Variants in RBPJ observed in about 807,000 individuals in gnomAD.
The protein encoded by RBPJ is recombining binding protein suppressor of hairless.
Under a neutral mutation model 67.8 loss-of-function variants are expected in RBPJ, and 9 were observed. The ratio of observed to expected loss-of-function variants is 0.13; its 90% CI spans 0.08 to 0.23. The LOEUF is 0.23. Among genes scored for constraint, RBPJ ranks in the 10% least tolerant of loss-of-function variants. The pLI, the probability that RBPJ is intolerant of heterozygous loss-of-function variation, is 1.00. For missense variants in RBPJ, 305 were observed against 595.6 expected, an observed-to-expected ratio of 0.51 and a Z score of 5.08; for synonymous variants, 198 against 203.3, an observed-to-expected ratio of 0.97 and a Z score of 0.22.
chr4:26,210,667 T>TTTCC (rs1718356285), intron 1 of RBPJ, among the ~76,000 whole-genome samples: 1 of 22,302 alleles, frequency 4.5e-5, no homozygotes, highest in African/African-American at 2.2e-4. Context: ...TTCTTTTTTC[T>TTTCC]TTCTTTCTTT....
chr4:26,127,784 T>C, the RBPJ span, among the ~76,000 whole-genome samples: 1 of 152,182 alleles, frequency 6.6e-6, no homozygotes, highest in Admixed American at 6.5e-5. Context: ...GAAACATATG[T>C]ACACAGAGAC....
intron 1 of RBPJ, among the ~76,000 whole-genome samples, chr4:26,340,338 A>G (rs1725376492): frequency 1.3e-5 from 2 of 152,226 alleles, no homozygotes; most frequent in African/African-American, 4.8e-5. Context: ...GGAGCAGAGT[A>G]GTAAGAGGAA....
chr4:26,372,880 G>A (rs937251003), intron 1 of RBPJ, among the ~76,000 whole-genome samples: 3 of 152,098 alleles, frequency 2.0e-5, no homozygotes, highest in African/African-American at 7.2e-5. Context: ...GAGCCTCATG[G>A]CCTCCTGTGA....
chr4:26,360,995 A>G (rs1180235125), intron 1 of RBPJ, among the ~76,000 whole-genome samples: 1 of 150,792 alleles, frequency 6.6e-6, no homozygotes, highest in Non-Finnish European at 1.5e-5. Context: ...TGAAGGATAC[A>G]TTTGTCTGGA....
chr4:26,225,514 C>G (rs116900651), intron 1 of RBPJ, among the ~76,000 whole-genome samples: 75 of 152,178 alleles, frequency 4.9e-4, no homozygotes, highest in East Asian at 4.2e-3. Flanking sequence ...CTGTATGATA[C>G]AGTAATGGTG....
intron 1 of RBPJ, among the ~76,000 whole-genome samples, chr4:26,379,302 C>T (rs1254384553): frequency 6.6e-6 from 1 of 152,090 alleles, no homozygotes; most frequent in Non-Finnish European, 1.5e-5. Flanking sequence ...GCCTCTCAAG[C>T]AGTCCTCCTG....
intron 1 of RBPJ, among the ~76,000 whole-genome samples, chr4:26,371,603 T>C (rs1451995523): frequency 6.6e-6 from 1 of 152,230 alleles, no homozygotes; most frequent in Non-Finnish European, 1.5e-5. Flanking sequence ...TATAATTCTT[T>C]AGGAGTCTGA....
the RBPJ span, among the ~76,000 whole-genome samples, chr4:26,156,395 G>T: frequency 6.8e-6 from 1 of 147,422 alleles, no homozygotes; most frequent in African/African-American, 2.5e-5. Context: ...AACTATATAG[G>T]TTGGAATTTC....
At chr4:26,403,490 C>G (rs561409820) in intron 2 of RBPJ, among the ~76,000 whole-genome samples, 1 of 152,012 alleles carries the variant, frequency 6.6e-6, no homozygotes, top group African/African-American at 2.4e-5. Flanking sequence ...CCAGGTATTA[C>G]GCCCAGTACC....
At chr4:26,115,281 C>T in the RBPJ span, among the ~76,000 whole-genome samples, 4 of 152,346 alleles carry the variant, frequency 2.6e-5, no homozygotes, top group Admixed American at 2.6e-4. Context: ...CGCTGAACTG[C>T]CTCTCCAATA....
the RBPJ span, among the ~76,000 whole-genome samples, chr4:26,145,940 G>T: frequency 1.3e-3 from 191 of 152,162 alleles, no homozygotes; most frequent in African/African-American, 3.8e-3. Context: ...TTTTTTGTTT[G>T]TTTGTTTGTT....
At chr4:26,222,932 G>C (rs888718910) in intron 1 of RBPJ, among the ~76,000 whole-genome samples, 1 of 151,794 alleles carries the variant, frequency 6.6e-6, no homozygotes, top group African/African-American at 2.4e-5. Flanking sequence ...GAGGCGGGCG[G>C]ATCACGAGGT....
At position 26,381,372 on chromosome 4, in the gene RBPJ, G is replaced by T. The variant is rs528669807; in HGVS notation, c.21-4981G>T. 1.8e-4 allele frequency among the ~76,000 whole-genome samples: 28 copies of T among 152,188 alleles called. No individual in the cohort carries two copies. The South Asian group carries it at 5.6e-3, about 30-fold the overall frequency. On this transcript the variant is annotated intron_variant, in intron 1 of 10. Transcript: ENST00000355476. ...AAAATTCTAATGGATTGGAGGATAT[G>T]TGGGAACCTCAATACTATTTACAGG...
upstream of RBPJ, among the ~76,000 whole-genome samples, chr4:26,318,371 T>A (rs1020067233): frequency 6.6e-6 from 1 of 152,156 alleles, no homozygotes; most frequent in Non-Finnish European, 1.5e-5. Context: ...CAGGAACTCA[T>A]TGGATGAATG....
At chr4:26,329,735 A>G (rs1480959571) in intron 1 of RBPJ, among the ~76,000 whole-genome samples, 1 of 152,070 alleles carries the variant, frequency 6.6e-6, no homozygotes, top group Non-Finnish European at 1.5e-5. Context: ...TCTACTAAAA[A>G]TACAAAAAAT....
intron 1 of RBPJ, among the ~76,000 whole-genome samples, chr4:26,375,432 C>G (rs1729620860): frequency 6.6e-6 from 1 of 152,062 alleles, no homozygotes. Context: ...TTGCTGCTAT[C>G]TGTTCCAAGT....
chr4:26,383,128 A>G lies in RBPJ; in HGVS notation c.21-3225A>G, dbSNP rs138794744. ...TTGTGTAAAATACTGTCCAGACTCA[A>G]CAGGCAAATATATTGAGCTCTTTTG... On this transcript the variant is annotated intron_variant, in intron 1 of 10. Coordinates refer to ENST00000355476, the MANE Select transcript of RBPJ (RefSeq NM_015874.6). 2.6e-3 allele frequency among the ~76,000 whole-genome samples: 402 copies of G among 152,328 alleles called. 3 individuals carry two copies. Among genetic ancestry groups the G allele is most frequent in the African/African-American group, 9.4e-3 (389 of 41,570 alleles).
At chr4:26,347,892 A>G (rs575404467) in intron 1 of RBPJ, among the ~76,000 whole-genome samples, 2 of 152,082 alleles carry the variant, frequency 1.3e-5, no homozygotes, top group African/African-American at 4.8e-5. Flanking sequence ...GACCAAGAGG[A>G]CATTTACCAA....
intron 1 of RBPJ, among the ~76,000 whole-genome samples, chr4:26,210,736 C>CTTCTTTACTTCTTTACTTCT (rs1718375763): frequency 1.6e-5 from 1 of 64,076 alleles, no homozygotes; most frequent in African/African-American, 6.7e-5. Flanking sequence ...TCCTTCTTTA[C>CTTCTTTACTTCTTTACTTCT]TTCTTTCCTT....
Sources: allele counts gnomAD v4.1 joint callset (sites outside exome capture counted in the v4.1 genomes callset), GRCh38; gene constraint gnomAD v4.1.1; transcripts MANE v1.5; gene names NCBI Gene and HGNC (gene_info 2026-07-23, HGNC 2026-07-21).